ZFAT: variants seen among roughly 807,000 people sequenced by gnomAD.
ZFAT encodes the protein zinc finger protein ZFAT.
A neutral mutation model predicts 117.7 loss-of-function variants in ZFAT; 64 were observed. The observed-to-expected ratio is 0.54, with a 90% CI of 0.44 to 0.67. The LOEUF (loss-of-function observed/expected upper bound fraction) is 0.67, where lower values mean the gene tolerates loss of function less well. Among genes scored for constraint, ZFAT ranks in the 30% least tolerant of loss-of-function variants. ZFAT has a pLI of 0.00. For synonymous variants in ZFAT, 679 were observed against 615.0 expected, an observed-to-expected ratio of 1.10 and a Z score of -1.54; for missense variants, 1,433 against 1,584.5, an observed-to-expected ratio of 0.90 and a Z score of 1.62.
intron 3 of ZFAT, among the ~76,000 whole-genome samples, chr8:134,615,290 G>T (rs1586821865): frequency 3.3e-5 from 5 of 152,274 alleles, no homozygotes; most frequent in African/African-American, 1.2e-4. Context: ...GAGTTCAAGT[G>T]ATTCTCGTGC....
chr8:134,617,867 A>T (rs1464168739), intron 3 of ZFAT, among the ~76,000 whole-genome samples: 1 of 152,172 alleles, frequency 6.6e-6, no homozygotes, highest in African/African-American at 2.4e-5. Flanking sequence ...CCAAATCTCA[A>T]CTTGAATTGT....
Position 134,690,847 on chromosome 8 carries a change from C to A in ZFAT, c.19+21998G>T, listed in dbSNP as rs750779145. On this transcript the variant is annotated intron_variant, in intron 1 of 15. Coordinates refer to ENST00000377838, the MANE Select transcript of ZFAT (RefSeq NM_020863.4). ...ATTCTTTGAATTTATGTGCATTGGCCTCATAATTCAACACTAAATGAATGC... is the reference window on the plus strand; with the variant it reads ...ATTCTTTGAATTTATGTGCATTGGCATCATAATTCAACACTAAATGAATGC... 4.6e-5 allele frequency among the ~76,000 whole-genome samples: 7 copies of A among 152,120 alleles called. 1 individual carries two copies. Among genetic ancestry groups the A allele is most frequent in the Non-Finnish European group, 5.9e-5 (4 of 68,024 alleles).
intron 1 of ZFAT, among the ~76,000 whole-genome samples, chr8:134,689,719 A>T (rs1316342410): frequency 6.6e-6 from 1 of 151,380 alleles, no homozygotes; most frequent in Non-Finnish European, 1.5e-5. Context: ...AAAAGGTACT[A>T]GGCACTATTC....
intron 15 of ZFAT, among the ~76,000 whole-genome samples, chr8:134,505,003 T>C (rs994609831): frequency 6.6e-6 from 1 of 152,184 alleles, no homozygotes; most frequent in Non-Finnish European, 1.5e-5. Flanking sequence ...ACAGCACTCC[T>C]GGGTCCCTGG....
chr8:134,577,280 A>G (rs1295223160), intron 10 of ZFAT, among the ~76,000 whole-genome samples: 2 of 152,248 alleles, frequency 1.3e-5, no homozygotes. Context: ...TCTAAGGTAC[A>G]GTAATGAGTT....
At chr8:134,778,411 C>CT in the ZFAT span, among the ~76,000 whole-genome samples, 1 of 152,190 alleles carries the variant, frequency 6.6e-6, no homozygotes, top group Admixed American at 6.5e-5. Flanking sequence ...AGAGAATTCT[C>CT]TTTTTTCAGT....
At chr8:134,711,551 G>C (rs570236083) in intron 1 of ZFAT, among the ~76,000 whole-genome samples, 6 of 152,296 alleles carry the variant, frequency 3.9e-5, no homozygotes, top group African/African-American at 1.4e-4. Flanking sequence ...GAGGGCGGGA[G>C]GCAGAGGTTG....
chr8:134,765,831 T>C, the ZFAT span: 2 of 152,216 alleles, frequency 1.3e-5, no homozygotes, highest in African/African-American at 2.4e-5. Context: ...GAGATCCCAG[T>C]CCTGAACCAC....
At chr8:134,526,603 T>C (rs749351004) in intron 12 of ZFAT, among the ~76,000 whole-genome samples, 28 of 152,244 alleles carry the variant, frequency 1.8e-4, no homozygotes, top group Admixed American at 8.5e-4. Context: ...GAATGCAATA[T>C]ATTCTGGAGC....
chr8:134,732,881 T>C, the ZFAT span, among the ~76,000 whole-genome samples: 2 of 152,110 alleles, frequency 1.3e-5, no homozygotes, highest in Non-Finnish European at 2.9e-5. Context: ...TAGGATCCTA[T>C]AATGGTGGGT....
At chr8:134,544,266 C>T (rs1277969610) in intron 11 of ZFAT, among the ~76,000 whole-genome samples, 1 of 152,198 alleles carries the variant, frequency 6.6e-6, no homozygotes, top group Admixed American at 6.5e-5. Flanking sequence ...AACCCGCTCA[C>T]CTATGCTCCC....
chr8:134,775,682 A>G, the ZFAT span, among the ~76,000 whole-genome samples: 1 of 152,176 alleles, frequency 6.6e-6, no homozygotes, highest in Non-Finnish European at 1.5e-5. Flanking sequence ...CTCAGATCTC[A>G]GTTGGTAATT....
chr8:134,790,580 TTC>T, the ZFAT span, among the ~76,000 whole-genome samples: 6 of 152,178 alleles, frequency 3.9e-5, no homozygotes, highest in African/African-American at 7.2e-5. Context: ...ATACTACACA[TTC>T]TGTTAGTTCA....
chr8:134,792,730 G>C, the ZFAT span: 1 of 152,108 alleles, frequency 6.6e-6, no homozygotes, highest in Non-Finnish European at 1.5e-5. Flanking sequence ...AAGCCAAAGA[G>C]GTAATATAGC....
chr8:134,613,495 G>C (rs1828494967), intron 3 of ZFAT, among the ~76,000 whole-genome samples: 1 of 152,176 alleles, frequency 6.6e-6, no homozygotes, highest in African/African-American at 2.4e-5. Context: ...GTGGAGAAGA[G>C]AAGACTGCAC....
chr8:134,543,256 AC>A (rs1822419330), intron 11 of ZFAT, among the ~76,000 whole-genome samples: 1 of 148,838 alleles, frequency 6.7e-6, no homozygotes, highest in Admixed American at 6.7e-5. Context: ...ACCTGCCCAC[AC>A]CTCTCTGTGA....
the ZFAT span, among the ~76,000 whole-genome samples, chr8:134,756,574 C>T: frequency 5.9e-5 from 9 of 152,330 alleles, no homozygotes; most frequent in South Asian, 2.1e-4. Flanking sequence ...TCTTCAGGTC[C>T]GGTGCCCTGT....
intron 13 of ZFAT, among the ~76,000 whole-genome samples, chr8:134,519,699 AC>A (rs1371363239): frequency 6.6e-6 from 1 of 152,182 alleles, no homozygotes; most frequent in Non-Finnish European, 1.5e-5. Flanking sequence ...AGCCACACTC[AC>A]TGATGCCTCC....
At chr8:134,695,210 C>A (rs1298841373) in intron 1 of ZFAT, among the ~76,000 whole-genome samples, 1 of 152,172 alleles carries the variant, frequency 6.6e-6, no homozygotes, top group African/African-American at 2.4e-5. Flanking sequence ...CCGGGAGGCA[C>A]CCCGGCCAGG....
Sources: allele counts gnomAD v4.1 joint callset (sites outside exome capture counted in the v4.1 genomes callset), GRCh38; gene constraint gnomAD v4.1.1; transcripts MANE v1.5; gene names NCBI Gene and HGNC (gene_info 2026-07-23, HGNC 2026-07-21).